Variants in KRT26 observed in about 807,000 individuals in gnomAD.
The protein encoded by KRT26 is keratin 26.
Under a neutral mutation model 46.1 loss-of-function variants are expected in KRT26, and 45 were observed. The ratio of observed to expected loss-of-function variants is 0.98; its 90% confidence interval spans 0.77 to 1.25. The LOEUF is 1.25. KRT26 is among the 50% of genes most tolerant of loss of function. The probability of loss-of-function intolerance (pLI) is 0.00; values close to 1 mark genes in which losing one functional copy is unlikely to be tolerated. For missense variants in KRT26, 582 were observed against 560.1 expected (o/e 1.04, Z -0.39); for synonymous variants, 191 against 209.9 (o/e 0.91, Z 0.78).
At chr17:40,771,972 C>T in exon 1 of KRT26, 1 of 1,614,206 alleles carries the variant, frequency 6.2e-7, no homozygotes, top group Non-Finnish European at 8.5e-7. Context: ...GAGATGCCCT[C>T]AAGAGTACAA....
At chr17:40,767,701 G>A in intron 6 of KRT26, 48 bp from the exon 7 acceptor site, 2 of 1,062,016 alleles carry the variant, frequency 1.9e-6, no homozygotes, top group Non-Finnish European at 1.4e-6. Context: ...TTTCCTTAGT[G>A]AGCTTATAAA....
chr17:40,768,905 A>C lies in KRT26; in HGVS notation c.1161T>G (p.Tyr387Ter), dbSNP rs1326886929. The change falls in exon 6 of 8, where the codon TAT becomes TAG. Residue 387 changes from tyrosine (Y) to a stop codon, truncating the protein, a stop_gained. Coordinates refer to ENST00000335552, the Ensembl canonical transcript of KRT26. LOFTEE classifies it high-confidence loss of function. The stretch of plus-strand genomic sequence containing the variant: ...TTTCTTCTCCATCTAGTAAGTTGCA[A>C]TAAATGTCAATTTCTTTTTCTAAAA... 1 of 1,600,378 alleles carries C rather than the reference A, an allele frequency of 6.2e-7. No homozygotes were observed. Among genetic ancestry groups the C allele is most frequent in the Non-Finnish European group, 8.5e-7 (1 of 1,170,444 alleles).
chr17:40,769,456 C>T (rs1223883878), intron 5 of KRT26, among the ~76,000 whole-genome samples: 4 of 152,002 alleles, frequency 2.6e-5, no homozygotes, highest in East Asian at 1.9e-4. Flanking sequence ...TGTGCTTGGC[C>T]GGCATGGTCA....
chr17:40,767,454 T>C (rs903164447), intron 7 of KRT26, 132 bp downstream of exon 7: 6 of 484,154 alleles, frequency 1.2e-5, no homozygotes, highest in African/African-American at 1.0e-4. Context: ...ACTATCATAA[T>C]GACCCCTCAT....
intron 2 of KRT26, among the ~76,000 whole-genome samples, 200 bp from the exon 3 acceptor site, chr17:40,770,609 A>AT (rs1325091464): frequency 1.3e-5 from 2 of 152,182 alleles, no homozygotes; most frequent in Non-Finnish European, 2.9e-5. Context: ...TTCAGAGCTG[A>AT]TTTTTGTCAT....
rs904494085 is a variant in KRT26 at position 40,769,736 on chromosome 17, A to G, written c.969+18T>C. The G allele has an allele frequency of 2.5e-6, 4 of 1,613,964 alleles. No homozygotes were observed. Among genetic ancestry groups the G allele is most frequent in the Non-Finnish European group, 2.5e-6 (3 of 1,179,862 alleles). On this transcript the variant is annotated intron_variant, in intron 5 of 7. Transcript: ENST00000335552. ...CATATTCACACATATATTCAATTCA[A>G]TGGCGATTCCTACGTACCACAGCCA...
intron 7 of KRT26, among the ~76,000 whole-genome samples, chr17:40,767,320 G>A (rs1157921296): frequency 6.6e-6 from 1 of 152,136 alleles, no homozygotes; most frequent in African/African-American, 2.4e-5. Flanking sequence ...TCAAAGTATT[G>A]AAACTATGAA....
At chr17:40,767,906 A>C (rs2038184138) in intron 6 of KRT26, among the ~76,000 whole-genome samples, 1 of 152,204 alleles carries the variant, frequency 6.6e-6, no homozygotes. Context: ...TCTCACTCTG[A>C]CTTTTCAATC....
At chr17:40,769,128 G>T in intron 5 of KRT26, 32 bp from the exon 6 acceptor site, 1 of 1,390,570 alleles carries the variant, frequency 7.2e-7, no homozygotes, top group Non-Finnish European at 1.0e-6. Flanking sequence ...GCTTGAATGT[G>T]TAAAAGAGAA....
At chr17:40,766,692 G>A in intron 7 of KRT26, 26 bp from the exon 8 acceptor site, 1 of 1,561,234 alleles carries the variant, frequency 6.4e-7, no homozygotes. Flanking sequence ...TAAAACATTA[G>A]TGGTCATTTT....
At chr17:40,770,158 A>T in intron 3 of KRT26, 36 bp from the exon 4 acceptor site, 1 of 1,613,570 alleles carries the variant, frequency 6.2e-7, no homozygotes, top group Non-Finnish European at 8.5e-7. Flanking sequence ...TCAGTGGAGG[A>T]TTTTGATTGA....
rs776054590 is a variant in KRT26 at position 40,770,381 on chromosome 17, T to C, written c.553A>G (p.Ser185Gly). Residue 185 changes from serine to glycine, a missense_variant, in exon 3 of 8, where the codon AGT becomes GGT. Coordinates refer to ENST00000335552, the Ensembl canonical transcript of KRT26. ...AGACCACTGGTGTCGGCCTCAACAC[T>C]GTGGTGCAGAGCCAGCTCATTTTCA... is the stretch of plus-strand genomic sequence containing the variant. 3.1e-6 allele frequency: 5 copies of C among 1,608,408 alleles called. No individual in the cohort carries two copies. The East Asian group carries it at 1.1e-4, about 36-fold the overall frequency.
intron 2 of KRT26, 23 bp downstream of exon 2, chr17:40,771,131 T>A: frequency 7.1e-7 from 1 of 1,403,706 alleles, no homozygotes; most frequent in Non-Finnish European, 9.8e-7. Flanking sequence ...ATTAATATAA[T>A]TAATCAGTTT....
chr17:40,766,407 A>G (rs974648092), exon 8 of KRT26: 11 of 878,716 alleles, frequency 1.3e-5, no homozygotes, highest in Non-Finnish European at 1.7e-5. Flanking sequence ...AGAAATGAAT[A>G]ATTTCCTTAG....
Position 40,768,994 on chromosome 17 carries a change from G to A in KRT26, c.1072C>T (p.Gln358Ter). The change falls in exon 6 of 8, where the codon CAG (glutamine) becomes TAG (stop). Residue 358 changes from glutamine (Q) to a stop codon, truncating the protein, a stop_gained. Transcript: ENST00000335552. LOFTEE classifies it high-confidence loss of function. ...TGGCCTTCTGTTTCTGTTCGAATCTGTTGCAGTTGTTCCTCCATCACCCCT... is the reference window on the plus strand; with the variant it reads ...TGGCCTTCTGTTTCTGTTCGAATCTATTGCAGTTGTTCCTCCATCACCCCT... The A allele has an allele frequency of 6.2e-7, 1 of 1,613,562 alleles. No homozygotes were observed. The highest frequency in any genetic ancestry group is 8.5e-7 in the Non-Finnish European group (1 of 1,179,706).
In KRT26 at chr17:40,771,164, A is replaced by AG. The variant is rs1289161233; in HGVS notation, c.513dup (p.Phe172LeufsTer6). On this transcript the variant is annotated frameshift_variant, in exon 2 of 8. Transcript: ENST00000335552. LOFTEE classifies it high-confidence loss of function. Reference sequence around the variant, plus strand: ...TTTGTTTTCACCTACTTCAGCCTGAAGTCATCAGCGGTCAGTCTGGCATTG... The same window carrying AG: ...TTTGTTTTCACCTACTTCAGCCTGAAGGTCATCAGCGGTCAGTCTGGCATTG... The AG allele has an allele frequency of 6.3e-7, 1 of 1,590,002 alleles. No homozygotes were observed. The highest frequency in any genetic ancestry group is 1.7e-5 in the Admixed American group (1 of 59,192).
exon 8 of KRT26, chr17:40,766,462 TTCTTTCTC>T: frequency 7.0e-7 from 1 of 1,423,940 alleles, no homozygotes. Flanking sequence ...CTTTCTTTCT[TTCTTTCTC>T]TCTCTCTCTC....
At chr17:40,767,624 T>G in exon 7 of KRT26, 5 of 1,606,750 alleles carry the variant, frequency 3.1e-6, no homozygotes, top group Non-Finnish European at 4.2e-6. Flanking sequence ...CCTGTATCCT[T>G]TTGATTTGTA....
At chr17:40,768,845 AG>A (rs1463276082) in intron 6 of KRT26, 33 bp downstream of exon 6, 5 of 1,075,688 alleles carry the variant, frequency 4.6e-6, no homozygotes, top group Admixed American at 2.5e-5. Flanking sequence ...AGTTAATGTG[AG>A]GTTTTTTTTT....
Sources: allele counts gnomAD v4.1 joint callset (sites outside exome capture counted in the v4.1 genomes callset), GRCh38; gene constraint gnomAD v4.1.1; transcripts MANE v1.5; gene names NCBI Gene and HGNC (gene_info 2026-07-23, HGNC 2026-07-21).